Variants in NCKAP5 observed in about 807,000 individuals in gnomAD.
NCKAP5 encodes the protein nck-associated protein 5.
Under a neutral mutation model 167.0 loss-of-function variants are expected in NCKAP5, and 92 were observed. That is an observed-to-expected ratio of 0.55 (90% CI 0.47 to 0.66). The LOEUF (loss-of-function observed/expected upper bound fraction) is 0.66. Among genes scored for constraint, NCKAP5 ranks in the 30% least tolerant of loss-of-function variants. NCKAP5 has a pLI of 0.00. For synonymous variants in NCKAP5, 891 were observed against 877.4 expected (o/e 1.02, Z -0.27); for missense variants, 2,378 against 2,315.0 (o/e 1.03, Z -0.56).
chr2:133,420,839 T>A (rs10196395), intron 3 of NCKAP5, among the ~76,000 whole-genome samples: 30,784 of 151,978 alleles, frequency 0.2, 3,167 homozygotes, highest in African/African-American at 0.24. Context: ...CGAAGCTGAG[T>A]TCTGAACCAG....
chr2:133,202,948 T>G (rs961793114), intron 5 of NCKAP5, among the ~76,000 whole-genome samples: 48 of 152,212 alleles, frequency 3.2e-4, no homozygotes, highest in African/African-American at 8.7e-4. Flanking sequence ...GGTGGGACTG[T>G]AAACTAGTTC....
intron 5 of NCKAP5, among the ~76,000 whole-genome samples, chr2:133,179,968 TAC>T (rs2084658999): frequency 6.6e-6 from 1 of 151,808 alleles, no homozygotes. Flanking sequence ...ACAAAATACA[TAC>T]AGATTTAAGA....
At chr2:133,132,286 C>CA (rs67605472) in intron 5 of NCKAP5, among the ~76,000 whole-genome samples, 7,385 of 131,184 alleles carry the variant, frequency 0.056, 270 homozygotes, top group Non-Finnish European at 0.082. Context: ...GACTCCATCT[C>CA]AAAAAAAAAA....
chr2:133,241,730 G>A (rs530737693), intron 4 of NCKAP5, among the ~76,000 whole-genome samples: 14 of 152,202 alleles, frequency 9.2e-5, no homozygotes, highest in East Asian at 5.8e-4. Context: ...TCCCAGGAAC[G>A]TGGTTTGTCC....
At chr2:133,366,096 G>A (rs1685440927) in intron 3 of NCKAP5, among the ~76,000 whole-genome samples, 1 of 152,152 alleles carries the variant, frequency 6.6e-6, no homozygotes, top group Non-Finnish European at 1.5e-5. Flanking sequence ...GGAAAAACCT[G>A]CAGAATTGGG....
At chr2:133,103,847 AT>A (rs2081597039) in intron 6 of NCKAP5, among the ~76,000 whole-genome samples, 1 of 152,200 alleles carries the variant, frequency 6.6e-6, no homozygotes, top group Non-Finnish European at 1.5e-5. Context: ...GCTCTTCCTC[AT>A]CCCCACAAAG....
chr2:133,214,143 G>A (rs7563101), intron 4 of NCKAP5, among the ~76,000 whole-genome samples: 1 of 151,416 alleles, frequency 6.6e-6, no homozygotes, highest in Admixed American at 6.6e-5. Flanking sequence ...TATTTCTTTT[G>A]TTGCTCTCCA....
the NCKAP5 span, among the ~76,000 whole-genome samples, chr2:133,626,184 A>T: frequency 7.3e-3 from 1,113 of 152,322 alleles, 14 homozygotes; most frequent in African/African-American, 0.025. Flanking sequence ...TATTAAATAT[A>T]GGCAATAATC....
intron 11 of NCKAP5, among the ~76,000 whole-genome samples, chr2:132,846,436 C>T (rs1688669467): frequency 6.6e-6 from 1 of 152,024 alleles, no homozygotes; most frequent in Admixed American, 6.6e-5. Flanking sequence ...TCCCGAGTAG[C>T]TGGGGTCACA....
intron 8 of NCKAP5, among the ~76,000 whole-genome samples, chr2:132,932,977 T>G (rs937855657): frequency 4.8e-5 from 7 of 146,016 alleles, no homozygotes; most frequent in Non-Finnish European, 7.4e-5. Flanking sequence ...CAGGCTGGAG[T>G]GCAGTGGAAC....
intron 16 of NCKAP5, among the ~76,000 whole-genome samples, chr2:132,746,665 A>G (rs1369107919): frequency 6.6e-6 from 1 of 152,186 alleles, no homozygotes; most frequent in Non-Finnish European, 1.5e-5. Context: ...AGACTTATAC[A>G]CAAATGTTTA....
intron 8 of NCKAP5, among the ~76,000 whole-genome samples, chr2:132,915,124 C>T (rs778153747): frequency 2.6e-5 from 4 of 151,968 alleles, no homozygotes; most frequent in African/African-American, 7.2e-5. Flanking sequence ...TTGCACCAGA[C>T]ATGTGATGAA....
intron 6 of NCKAP5, among the ~76,000 whole-genome samples, chr2:133,129,092 C>CT (rs58355335): frequency 0.21 from 30,354 of 143,848 alleles, 3,172 homozygotes; most frequent in Non-Finnish European, 0.24. Context: ...TTTGGCTGGC[C>CT]TTTTTTTTTT....
the NCKAP5 span, among the ~76,000 whole-genome samples, chr2:133,658,854 C>G: frequency 6.6e-6 from 1 of 152,016 alleles, no homozygotes; most frequent in African/African-American, 2.4e-5. Context: ...ATTTCTGCTG[C>G]CTTGCAACCC....
chr2:133,271,086 ATT>A (rs67497565), intron 4 of NCKAP5, among the ~76,000 whole-genome samples: 7,765 of 130,756 alleles, frequency 0.059, 691 homozygotes, highest in African/African-American at 0.2. Flanking sequence ...GGCCCGGCTA[ATT>A]TTTTTTTTTT....
At chr2:133,163,192 A>C (rs1257012878) in intron 5 of NCKAP5, among the ~76,000 whole-genome samples, 1 of 152,242 alleles carries the variant, frequency 6.6e-6, no homozygotes, top group African/African-American at 2.4e-5. Flanking sequence ...TCCACATGAA[A>C]ATATCCCAGC....
intron 3 of NCKAP5, among the ~76,000 whole-genome samples, chr2:133,512,067 T>C (rs148860864): frequency 4.5e-4 from 69 of 152,282 alleles, no homozygotes; most frequent in African/African-American, 1.7e-3. Context: ...GATCCAGTCA[T>C]ATCTGAAGCA....
chr2:133,456,043 G>A (rs975502273), intron 3 of NCKAP5, among the ~76,000 whole-genome samples: 1 of 152,126 alleles, frequency 6.6e-6, no homozygotes, highest in African/African-American at 2.4e-5. Context: ...TATCTTGTTA[G>A]ATTCTCTGCA....
At chr2:133,594,563 CA>C in the NCKAP5 span, among the ~76,000 whole-genome samples, 1 of 152,104 alleles carries the variant, frequency 6.6e-6, no homozygotes, top group African/African-American at 2.4e-5. Context: ...CTGAGAGAAC[CA>C]GGAGGTCCCA....
Sources: gnomAD v4.1 joint callset for allele counts (sites outside exome capture counted in the v4.1 genomes callset) on GRCh38, gnomAD v4.1.1 for gene constraint, MANE v1.5 for transcripts, NCBI Gene and HGNC (gene_info 2026-07-23, HGNC 2026-07-21) for gene names.